IL1RAPL2: variants seen among roughly 807,000 people sequenced by gnomAD.
The protein encoded by IL1RAPL2 is interleukin 1 receptor accessory protein like 2, also known as X-linked interleukin-1 receptor accessory protein-like 2.
IL1RAPL2 carries 3 observed loss-of-function variants against 44.1 expected under a neutral mutation model. The ratio of observed to expected loss-of-function variants is 0.07; its 90% confidence interval spans 0.03 to 0.18. The LOEUF (loss-of-function observed/expected upper bound fraction) is 0.18, where lower values mean the gene tolerates loss of function less well. IL1RAPL2 is among the 10% of genes least tolerant of loss of function. The probability of loss-of-function intolerance (pLI) is 1.00; values close to 1 mark genes in which losing one functional copy is unlikely to be tolerated. For missense variants in IL1RAPL2, 391 were observed against 496.4 expected, an observed-to-expected ratio of 0.79 and a Z score of 2.02; for synonymous variants, 181 against 178.8, an observed-to-expected ratio of 1.01 and a Z score of -0.10.
At chrX:104,748,755 A>G (rs1932213682) in intron 2 of IL1RAPL2, among the ~76,000 whole-genome samples, 1 of 111,722 alleles carries the variant, frequency 9.0e-6, no homozygotes, top group South Asian at 3.7e-4. Flanking sequence ...ACCCCAGCTT[A>G]GAATTCAGAG....
At chrX:104,674,820 T>A (rs1169892993) in intron 2 of IL1RAPL2, among the ~76,000 whole-genome samples, 6 of 111,537 alleles carry the variant, frequency 5.4e-5, no homozygotes, top group Non-Finnish European at 1.9e-5. Flanking sequence ...CCTGGTTTAG[T>A]TTTGGGAGAG....
intron 2 of IL1RAPL2, among the ~76,000 whole-genome samples, chrX:104,832,484 A>C (rs1921638116): frequency 9.0e-6 from 1 of 111,296 alleles, no homozygotes; most frequent in Admixed American, 9.6e-5. Context: ...GATTGAAAAA[A>C]AATGGAAGTA....
At position 104,884,256 on chromosome X, in the gene IL1RAPL2, C is replaced by A. The variant is rs770024641; in HGVS notation, c.82+225261C>A. ...CCACTAAATCAGACCTTCCTCAGTC[C>A]TCCTTGTGGTCTAGGAGGAAAACTA... On this transcript the variant is annotated intron_variant, in intron 2 of 10. Coordinates refer to ENST00000372582, the MANE Select transcript of IL1RAPL2 (RefSeq NM_017416.2). 1.5e-4 allele frequency among the ~76,000 whole-genome samples: 17 copies of A among 111,863 alleles called. No homozygotes were observed. In the South Asian group the frequency reaches 2.3e-3, roughly 15 times the overall value.
intron 2 of IL1RAPL2, among the ~76,000 whole-genome samples, chrX:105,174,771 C>T (rs1464419259): frequency 9.0e-6 from 1 of 111,493 alleles, no homozygotes; most frequent in Non-Finnish European, 1.9e-5. Flanking sequence ...CTGGCTGAGT[C>T]CCGAACATCA....
In IL1RAPL2 at chrX:105,169,492, C is replaced by CTTTTTTTTTTTTTTTTTTTTTTT. The variant is rs748101220; in HGVS notation, c.83-25975_83-25953dup. On this transcript the variant is annotated intron_variant, in intron 2 of 10. Transcript: ENST00000372582. ...TGAGAAACTTTCAGTTTCTTTCTTT[C>CTTTTTTTTTTTTTTTTTTTTTTT]TTTTTTTTTTTTTTTTTTTTTTTTT... Among the ~76,000 whole-genome samples, 29 of 41,561 alleles carry CTTTTTTTTTTTTTTTTTTTTTTT rather than the reference C, an allele frequency of 7.0e-4. 10 individuals are homozygous for CTTTTTTTTTTTTTTTTTTTTTTT. The highest frequency in any genetic ancestry group is 3.6e-3 in the African/African-American group (26 of 7,272). The allele number at this position is 41,561 out of a possible 115,157, so 36.1% of individuals were successfully genotyped here. A position where few individuals can be genotyped will look rare whatever the true frequency, so the allele number is the denominator to read the frequency against.
At chrX:105,496,087 C>T (rs1452915785) in intron 6 of IL1RAPL2, among the ~76,000 whole-genome samples, 3 of 112,067 alleles carry the variant, frequency 2.7e-5, no homozygotes, top group East Asian at 2.8e-4. Flanking sequence ...CCCCTTATTG[C>T]GACCCACACA....
intron 3 of IL1RAPL2, among the ~76,000 whole-genome samples, chrX:105,198,419 C>T (rs1478557786): frequency 1.8e-5 from 2 of 111,822 alleles, no homozygotes; most frequent in African/African-American, 6.5e-5. Flanking sequence ...AATAAAAATC[C>T]ACTATTTGCT....
intron 2 of IL1RAPL2, among the ~76,000 whole-genome samples, chrX:104,709,086 T>C (rs1464211808): frequency 1.8e-5 from 2 of 111,066 alleles, no homozygotes; most frequent in Non-Finnish European, 3.8e-5. Context: ...AGAATGTATC[T>C]CTGGATTCAA....
At chrX:105,187,874 C>T (rs2033602794) in intron 2 of IL1RAPL2, among the ~76,000 whole-genome samples, 1 of 111,171 alleles carries the variant, frequency 9.0e-6, no homozygotes, top group Non-Finnish European at 1.9e-5. Flanking sequence ...AATGTTATCA[C>T]TACAAAAAAA....
At chrX:104,804,494 C>G (rs777361906) in intron 2 of IL1RAPL2, 1 of 111,608 alleles carries the variant, frequency 9.0e-6, no homozygotes, top group Non-Finnish European at 1.9e-5. Flanking sequence ...AACTCCCAGG[C>G]GCTAAAGAAA....
rs137876279 is a variant in IL1RAPL2 at position 105,449,704 on chromosome X, G to A, written c.698-34609G>A. On this transcript the variant is annotated intron_variant, in intron 5 of 10. Coordinates refer to ENST00000372582, the MANE Select transcript of IL1RAPL2 (RefSeq NM_017416.2). ...AGAGGTTGCAGTGAGCCAAGATTGC[G>A]CCACTGCACTCCAGCTTGGTGACAG... Among the ~76,000 whole-genome samples the A allele has an allele frequency of 7.5e-3, 832 of 110,488 alleles. 7 individuals carry two copies. Among genetic ancestry groups the A allele is most frequent in the African/African-American group, 0.026 (794 of 30,280 alleles).
intron 10 of IL1RAPL2, among the ~76,000 whole-genome samples, chrX:105,764,621 T>C (rs1725652140): frequency 9.0e-6 from 1 of 111,015 alleles, no homozygotes; most frequent in Non-Finnish European, 1.9e-5. Flanking sequence ...AGCAACATAG[T>C]GAGACCCCAC....
chrX:105,040,092 G>T (rs1458734763), intron 2 of IL1RAPL2, among the ~76,000 whole-genome samples: 1 of 110,928 alleles, frequency 9.0e-6, no homozygotes, highest in African/African-American at 3.3e-5. Flanking sequence ...TAGCATGAAG[G>T]GTTGTTGAAT....
rs1482346515 is a variant in IL1RAPL2, at chrX:104,873,385, A to G, written c.82+214390A>G. Among the ~76,000 whole-genome samples the G allele has an allele frequency of 2.7e-5, 3 of 112,137 alleles. No individual in the cohort carries two copies. In the East Asian group the frequency reaches 8.4e-4, roughly 31 times the overall value. On this transcript the variant is annotated intron_variant, in intron 2 of 10. Coordinates refer to ENST00000372582, the MANE Select transcript of IL1RAPL2 (RefSeq NM_017416.2). Reference sequence around the variant, plus strand: ...GGACACAAACATTCAGTCCATTGTAATCTTCAAGTGTATATATCATTTTGC... The same window carrying G: ...GGACACAAACATTCAGTCCATTGTAGTCTTCAAGTGTATATATCATTTTGC...
chrX:105,051,050 A>T (rs2031914789), intron 2 of IL1RAPL2, among the ~76,000 whole-genome samples: 1 of 112,434 alleles, frequency 8.9e-6, no homozygotes, highest in South Asian at 3.7e-4. Flanking sequence ...GAGCAGGCAC[A>T]CTAAGTCCCC....
chrX:105,080,389 T>G (rs964751211), intron 2 of IL1RAPL2, among the ~76,000 whole-genome samples: 7 of 112,099 alleles, frequency 6.2e-5, no homozygotes, highest in Non-Finnish European at 1.1e-4. Flanking sequence ...ATGAGTTAAT[T>G]TTTGTATAAG....
At chrX:105,603,728 C>A (rs779655051) in intron 6 of IL1RAPL2, among the ~76,000 whole-genome samples, 4 of 111,575 alleles carry the variant, frequency 3.6e-5, no homozygotes, top group Non-Finnish European at 5.7e-5. Context: ...AATACATATT[C>A]TTCTTATCAG....
intron 6 of IL1RAPL2, among the ~76,000 whole-genome samples, chrX:105,569,459 A>C (rs1043646296): frequency 4.5e-5 from 5 of 111,653 alleles, no homozygotes; most frequent in Non-Finnish European, 9.4e-5. Context: ...AGGTAGTCAT[A>C]TGGCTTGCTT....
At position 105,741,161 on chromosome X, in the gene IL1RAPL2, A is replaced by G. The variant is rs1217840272; in HGVS notation, c.1048+470A>G. Among the ~76,000 whole-genome samples the G allele has an allele frequency of 4.5e-5, 5 of 112,054 alleles. No homozygotes were observed. In the East Asian group the frequency reaches 1.4e-3, roughly 32 times the overall value. Reference sequence around the variant, plus strand: ...TCATAAAAATTATAAACCATATTTTATGATATGACTTGGTATTAAGAGATC... The same window carrying G: ...TCATAAAAATTATAAACCATATTTTGTGATATGACTTGGTATTAAGAGATC... On this transcript the variant is annotated intron_variant, in intron 8 of 10. Transcript: ENST00000372582.
Sources: allele counts gnomAD v4.1 joint callset (sites outside exome capture counted in the v4.1 genomes callset), GRCh38; gene constraint gnomAD v4.1.1; transcripts MANE v1.5; gene names NCBI Gene and HGNC (gene_info 2026-07-23, HGNC 2026-07-21).